Variants in KBTBD11 observed in about 807,000 individuals in gnomAD.
KBTBD11 encodes the protein kelch repeat and BTB domain containing 11, also known as kelch repeat and BTB domain-containing protein 11.
For missense variants in KBTBD11, 1,390 were observed against 1,001.8 expected, an observed-to-expected ratio of 1.39 and a Z score of -5.23; for synonymous variants, 747 against 499.0, an observed-to-expected ratio of 1.50 and a Z score of -6.63.
chr8:1,976,182 A>T (rs568943925), intron 1 of KBTBD11: 1 of 152,140 alleles, frequency 6.6e-6, no homozygotes, highest in African/African-American at 2.4e-5. Context: ...TTTCCTGATC[A>T]CAAATCAGCC....
chr8:1,993,618 C>G (rs1226245627), intron 1 of KBTBD11, among the ~76,000 whole-genome samples: 1 of 150,334 alleles, frequency 6.7e-6, no homozygotes, highest in African/African-American at 2.5e-5. Flanking sequence ...CCAGCCTGTG[C>G]TAATGGTAGA....
rs1817440430 is a variant in KBTBD11 at position 2,002,805 on chromosome 8, T to C, written c.1613T>C (p.Val538Ala). Residue 538 changes from valine to alanine, a missense_variant, in exon 2 of 2, where the codon GTC becomes GCC. Val to Ala is a moderately conservative substitution (Grantham distance 64). Transcript: ENST00000320248. The surrounding 1 kb of genome is among the most constrained non-coding windows in gnomAD (Gnocchi z 4.1). ...HCLAKQWSPC[V>A]APLRLPGGPT... ...CTGGCCAAGCAGTGGAGCCCGTGCG[T>C]CGCGCCCCTGCGCCTCCCCGGCGGC... 3 of 1,446,784 alleles carry C rather than the reference T, an allele frequency of 2.1e-6. No homozygotes were observed. In the East Asian group the frequency reaches 8.8e-5, roughly 42 times the overall value. The allele number at this position is 1,446,784 out of a possible 1,614,324, so 89.6% of individuals were successfully genotyped here.
intron 1 of KBTBD11, among the ~76,000 whole-genome samples, chr8:1,983,587 A>G (rs1458969620): frequency 6.6e-6 from 1 of 152,160 alleles, no homozygotes; most frequent in Admixed American, 6.5e-5. Flanking sequence ...CACCTCCATG[A>G]GGGTCAAGCT....
At chr8:1,981,995 G>C (rs182047877) in intron 1 of KBTBD11, among the ~76,000 whole-genome samples, 1 of 152,068 alleles carries the variant, frequency 6.6e-6, no homozygotes, top group Non-Finnish European at 1.5e-5. Context: ...CTCATCTACC[G>C]GTCTATCTAG....
intron 1 of KBTBD11, among the ~76,000 whole-genome samples, chr8:1,981,429 TA>T (rs1352943378): frequency 2.0e-5 from 3 of 152,220 alleles, no homozygotes; most frequent in Non-Finnish European, 4.4e-5. Flanking sequence ...GTAAATTAAC[TA>T]CATCTTCAGT....
chr8:1,993,960 A>ACACACAC (rs1817037341), intron 1 of KBTBD11, among the ~76,000 whole-genome samples: 19 of 71,808 alleles, frequency 2.6e-4, no homozygotes, highest in Middle Eastern at 9.1e-3. Context: ...CACACACACA[A>ACACACAC]AACCCCATAG....
rs1022995703 is a variant in KBTBD11, at chr8:2,005,661, G to C, written c.*2597G>C. The C allele has an allele frequency of 6.0e-6, 1 of 167,054 alleles. No individual in the cohort carries two copies. Among genetic ancestry groups the C allele is most frequent in the Non-Finnish European group, 1.5e-5 (1 of 68,116 alleles). The allele number at this position is 167,054 out of a possible 1,614,324, so 10.3% of individuals were successfully genotyped here. A position where few individuals can be genotyped will look rare whatever the true frequency, so the allele number is the denominator to read the frequency against. On this transcript the variant is annotated 3_prime_UTR_variant, in exon 2 of 2. Transcript: ENST00000320248. ...AAAAGGTTGGTGCAAAAATATTCCT[G>C]GTCATCCACCCATTAAAATAGTTAG...
Position 2,002,303 on chromosome 8 carries a change from G to A in KBTBD11, c.1111G>A (p.Gly371Ser). Reference protein sequence around the residue: ...LFVAGGVAPAGPDGRARPSDQ... With the variant: ...LFVAGGVAPASPDGRARPSDQ... ...CGTGGCGGGCGGCGTGGCGCCCGCG[G>A]GCCCCGACGGCCGCGCGCGCCCGTC... The change falls in exon 2 of 2, where the codon GGC (glycine) becomes AGC (serine). Residue 371 changes from glycine to serine, a missense_variant. Transcript: ENST00000320248. This position sits in a 1 kb window ranked among gnomAD's most constrained non-coding sequence, Gnocchi z 4.1. 2 of 1,349,902 alleles carry A rather than the reference G, an allele frequency of 1.5e-6. No individual in the cohort carries two copies. Among genetic ancestry groups the A allele is most frequent in the South Asian group, 3.5e-5 (2 of 57,128 alleles). The allele number at this position is 1,349,902 out of a possible 1,614,324, so 83.6% of individuals were successfully genotyped here.
At chr8:1,988,969 C>T (rs771534562) in intron 1 of KBTBD11, among the ~76,000 whole-genome samples, 10 of 152,182 alleles carry the variant, frequency 6.6e-5, no homozygotes, top group East Asian at 1.9e-4. Flanking sequence ...TCCAGCTGAG[C>T]GTCCTGGTAG....
rs1382042960 is a variant in KBTBD11, at chr8:2,002,165, G to A, written c.973G>A (p.Ala325Thr). The A allele has an allele frequency of 8.3e-7, 1 of 1,203,034 alleles. No individual in the cohort carries two copies. The highest frequency in any genetic ancestry group is 1.0e-6 in the Non-Finnish European group (1 of 971,764). The allele number at this position is 1,203,034 out of a possible 1,614,324, so 74.5% of individuals were successfully genotyped here. The change falls in exon 2 of 2, where the codon GCG (alanine) becomes ACG (threonine). Residue 325 changes from alanine (A) to threonine (T), a missense_variant. Coordinates refer to ENST00000320248, the MANE Select transcript of KBTBD11 (RefSeq NM_014867.3). The surrounding 1 kb of genome is among the most constrained non-coding windows in gnomAD (Gnocchi z 4.1). ...PSGDADARGD[A>T]AVYCFHAAAG... The stretch of plus-strand genomic sequence containing the variant: ...GGGGGACGCGGACGCGCGCGGGGAC[G>A]CGGCCGTCTACTGCTTCCACGCGGC...
At chr8:1,989,063 G>T (rs1563368487) in intron 1 of KBTBD11, among the ~76,000 whole-genome samples, 1 of 152,110 alleles carries the variant, frequency 6.6e-6, no homozygotes, top group Non-Finnish European at 1.5e-5. Flanking sequence ...CTCAGAGTTG[G>T]GTTTCAGAGC....
At chr8:1,974,247 C>A in intron 1 of KBTBD11, 2 of 965,654 alleles carry the variant, frequency 2.1e-6, no homozygotes, top group Non-Finnish European at 2.5e-6. Context: ...GTGGGGGCCT[C>A]CTCGCGGGGT....
Position 2,003,368 on chromosome 8 carries a change from T to G in KBTBD11, c.*304T>G, listed in dbSNP as rs992213641. The G allele has an allele frequency of 1.0e-5, 3 of 288,184 alleles. No homozygotes were observed. The highest frequency in any genetic ancestry group is 2.0e-5 in the Non-Finnish European group (3 of 151,092). The allele number at this position is 288,184 out of a possible 1,614,324, so 17.9% of individuals were successfully genotyped here. ...AGCCTCAGGGTACAGTGGGGGTTCC[T>G]GAGGCAGCCTGCAGCCGGCCCCGGG... On this transcript the variant is annotated 3_prime_UTR_variant, in exon 2 of 2. Coordinates refer to ENST00000320248, the MANE Select transcript of KBTBD11 (RefSeq NM_014867.3).
At position 2,001,198 on chromosome 8, in the gene KBTBD11, G is replaced by A. The variant is rs777126960; in HGVS notation, c.6G>A (p.Glu2=). M[E]HAVAPCVLYP... ...CAGCGCAGCACAGCCCGGCCATGGA[G>A]CACGCGGTGGCCCCCTGCGTCCTCT... is the stretch of plus-strand genomic sequence containing the variant. The change falls in exon 2 of 2, where the codon GAG becomes GAA. Residue 2 remains glutamate, a synonymous_variant. Transcript: ENST00000320248. 69 of 1,363,756 alleles carry A rather than the reference G, an allele frequency of 5.1e-5. No homozygotes were observed. Among genetic ancestry groups the A allele is most frequent in the Non-Finnish European group, 6.3e-5 (67 of 1,056,092 alleles). The allele number at this position is 1,363,756 out of a possible 1,614,324, so 84.5% of individuals were successfully genotyped here. A position where few individuals can be genotyped will look rare whatever the true frequency, so the allele number is the denominator to read the frequency against.
chr8:1,980,799 G>A lies in KBTBD11; in HGVS notation c.-909+6864G>A, dbSNP rs139805303. On this transcript the variant is annotated intron_variant, in intron 1 of 1. Coordinates refer to ENST00000320248, the MANE Select transcript of KBTBD11 (RefSeq NM_014867.3). The stretch of plus-strand genomic sequence containing the variant: ...AACTGTCTTTTCTGAGAGAGTGCCA[G>A]CGAGAGCAGATGAATGCCTTACCGT... 3.3e-3 allele frequency among the ~76,000 whole-genome samples: 497 copies of A among 152,330 alleles called. 6 individuals carry two copies. Among genetic ancestry groups the A allele is most frequent in the African/African-American group, 0.011 (473 of 41,584 alleles).
At chr8:1,979,609 A>G (rs994431002) in intron 1 of KBTBD11, among the ~76,000 whole-genome samples, 6 of 152,252 alleles carry the variant, frequency 3.9e-5, no homozygotes, top group African/African-American at 1.4e-4. Context: ...AGCCTGGGCT[A>G]CAGAGTGAGA....
chr8:2,001,334 G>C lies in KBTBD11; in HGVS notation c.142G>C (p.Glu48Gln), dbSNP rs1489209935. The C allele has an allele frequency of 2.0e-6, 3 of 1,513,940 alleles. No individual in the cohort carries two copies. The highest frequency in any genetic ancestry group is 2.6e-6 in the Non-Finnish European group (3 of 1,138,834). The allele number at this position is 1,513,940 out of a possible 1,614,324, so 93.8% of individuals were successfully genotyped here. Reference protein sequence around the residue: ...GASLCFSSGEESPPQSLASAA... With the variant: ...GASLCFSSGEQSPPQSLASAA... ...GTCCCTGTGCTTCAGCTCCGGGGAA[G>C]AGTCCCCGCCGCAGTCCCTCGCCTC... Residue 48 changes from glutamate to glutamine, a missense_variant, in exon 2 of 2, where the codon GAG (glutamate) becomes CAG (glutamine). By Grantham distance (29) the Glu-to-Gln change is conservative. Coordinates refer to ENST00000320248, the MANE Select transcript of KBTBD11 (RefSeq NM_014867.3).
intron 1 of KBTBD11, among the ~76,000 whole-genome samples, chr8:1,977,063 C>T (rs1214752399): frequency 2.0e-5 from 3 of 151,138 alleles, no homozygotes; most frequent in African/African-American, 7.3e-5. Context: ...GATTTGTAAA[C>T]TTTCTTAAAA....
At chr8:1,988,943 A>G (rs6997048) in intron 1 of KBTBD11, among the ~76,000 whole-genome samples, 3,170 of 151,612 alleles carry the variant, frequency 0.021, 110 homozygotes, top group African/African-American at 0.07. Context: ...CAGCCCAGGA[A>G]TCTCTCATTT....
Sources: allele counts gnomAD v4.1 joint callset (sites outside exome capture counted in the v4.1 genomes callset), GRCh38; gene constraint gnomAD v4.1.1; non-coding constraint Gnocchi (gnomAD v3.1); transcripts MANE v1.5; gene names NCBI Gene and HGNC (gene_info 2026-07-23, HGNC 2026-07-21).